The following ANGEL1 variants were observed in gnomAD, a reference collection of about 807,000 sequenced individuals.
ANGEL1 encodes the protein angel homolog 1, also known as RNA 2',3'-cyclic phosphatase ANGEL1.
A neutral mutation model predicts 76.4 loss-of-function variants in ANGEL1; 62 were observed. The ratio of observed to expected loss-of-function variants is 0.81; its 90% CI spans 0.66 to 1.00. The LOEUF (loss-of-function observed/expected upper bound fraction) is 1.00, where lower values mean the gene tolerates loss of function less well. Among genes scored for constraint, ANGEL1 ranks in the 50% least tolerant of loss-of-function variants. The pLI is 0.00. For missense variants in ANGEL1, 737 were observed against 836.7 expected (o/e 0.88, Z 1.47); for synonymous variants, 340 against 331.7 (o/e 1.03, Z -0.27).
In ANGEL1 at chr14:76,803,964, G is replaced by GT. The variant is rs766892038; in HGVS notation, c.1381-53dup. 3.1e-6 allele frequency: 5 copies of GT among 1,613,894 alleles called. No homozygotes were observed. In the African/African-American group the frequency reaches 4.0e-5, roughly 13 times the overall value. On this transcript the variant is annotated intron_variant, in intron 5 of 9. Coordinates refer to ENST00000251089, the MANE Select transcript of ANGEL1 (RefSeq NM_015305.4). ...AAGGAAACCAAGATAGAAAAAGGAA[G>GT]TAACAGCCCATGTTTTGGGACATGT...
intron 7 of ANGEL1, among the ~76,000 whole-genome samples, chr14:76,800,369 T>C (rs920687671): frequency 6.6e-6 from 1 of 152,254 alleles, no homozygotes; most frequent in Non-Finnish European, 1.5e-5. Context: ...GTGGCCATCA[T>C]TGTTATCACT....
intron 7 of ANGEL1, among the ~76,000 whole-genome samples, chr14:76,795,089 TAG>T (rs1189786791): frequency 6.6e-6 from 1 of 152,204 alleles, no homozygotes; most frequent in Non-Finnish European, 1.5e-5. Flanking sequence ...GGAATGCTAT[TAG>T]AGTTTTTTTC....
chr14:76,807,647 C>T, intron 3 of ANGEL1, 145 bp from the exon 4 acceptor site: 2 of 794,390 alleles, frequency 2.5e-6, no homozygotes, highest in South Asian at 1.6e-5. Flanking sequence ...CAGGCCCAGA[C>T]TTAAGCTGAA....
intron 4 of ANGEL1, 35 bp from the exon 5 acceptor site, chr14:76,806,884 A>G (rs1270581152): frequency 6.3e-7 from 1 of 1,592,130 alleles, no homozygotes; most frequent in South Asian, 1.1e-5. Flanking sequence ...GATGGGTCAG[A>G]GTCCTTAAAG....
chr14:76,791,461 TGGATTGCTTCAGAA>T, intron 7 of ANGEL1, 95 bp from the exon 8 acceptor site: 3 of 1,179,660 alleles, frequency 2.5e-6, no homozygotes, highest in Non-Finnish European at 3.7e-6. Flanking sequence ...GATCCTTGAC[TGGATTGCTTCAGAA>T]GGATCCAGAA....
chr14:76,789,733 T>C (rs1317748234), intron 9 of ANGEL1, among the ~76,000 whole-genome samples: 1 of 151,566 alleles, frequency 6.6e-6, no homozygotes, highest in Non-Finnish European at 1.5e-5. Flanking sequence ...CTTACTTCGT[T>C]GTCCAGGCTG....
intron 5 of ANGEL1, chr14:76,804,553 G>T: frequency 1.6e-6 from 1 of 638,644 alleles, no homozygotes; most frequent in Non-Finnish European, 1.9e-6. Context: ...CTAGCTAGGT[G>T]CTGGGGATAG....
chr14:76,789,326 C>CTG lies in ANGEL1; in HGVS notation c.1914_1915insCA (p.Glu639GlnfsTer23). Reference sequence around the variant, plus strand: ...AAGCCATTGGCAGCCCAGAGTATCTCTTCAGAGAGAAGGGAGAGACGACCC... The same window carrying CTG: ...AAGCCATTGGCAGCCCAGAGTATCTCTGTTCAGAGAGAAGGGAGAGACGACCC... On this transcript the variant is annotated frameshift_variant, in exon 10 of 10. Coordinates refer to ENST00000251089, the MANE Select transcript of ANGEL1 (RefSeq NM_015305.4). LOFTEE classifies it high-confidence loss of function. 1 of 1,614,210 alleles carries CTG rather than the reference C, an allele frequency of 6.2e-7. No homozygotes were observed. Among genetic ancestry groups the CTG allele is most frequent in the Non-Finnish European group, 8.5e-7 (1 of 1,180,038 alleles).
chr14:76,792,545 A>T (rs1223636746), intron 7 of ANGEL1, among the ~76,000 whole-genome samples: 1 of 152,200 alleles, frequency 6.6e-6, no homozygotes, highest in South Asian at 2.1e-4. Context: ...ACTATGACCA[A>T]ATAAGATTTA....
chr14:76,800,281 G>A (rs73306179), intron 7 of ANGEL1, among the ~76,000 whole-genome samples: 3,012 of 152,168 alleles, frequency 0.02, 103 homozygotes, highest in African/African-American at 0.069. Flanking sequence ...ACTGAGCTAC[G>A]GCTCCCCTGG....
chr14:76,803,657 G>T, intron 6 of ANGEL1, 129 bp downstream of exon 6: 1 of 1,421,280 alleles, frequency 7.0e-7, no homozygotes, highest in Non-Finnish European at 9.5e-7. Context: ...CCATTGGGAG[G>T]ATAGTGAGAA....
chr14:76,794,438 G>C (rs762132354), intron 7 of ANGEL1, among the ~76,000 whole-genome samples: 23 of 152,200 alleles, frequency 1.5e-4, no homozygotes, highest in Non-Finnish European at 2.8e-4. Context: ...TTGGAAGGCT[G>C]GGGCGGACGC....
chr14:76,807,864 T>C lies in ANGEL1; in HGVS notation c.876+58A>G, dbSNP rs1035427163. Reference sequence around the variant, plus strand: ...GGTTGAACTCATCTTCTAAGAGCACTGGGCAACAGCCCAGGTCCAGCAACA... The same window carrying C: ...GGTTGAACTCATCTTCTAAGAGCACCGGGCAACAGCCCAGGTCCAGCAACA... On this transcript the variant is annotated intron_variant, in intron 3 of 9. Transcript: ENST00000251089. 5.1e-6 allele frequency: 8 copies of C among 1,578,818 alleles called. No homozygotes were observed. The Admixed American group carries it at 8.4e-5, about 17-fold the overall frequency.
Position 76,809,090 on chromosome 14 carries a change from C to A in ANGEL1, c.618G>T (p.Leu206Phe). Reference sequence around the variant, plus strand: ...ATGGTATTTCCACTGCGGGAGGCTGCAACTGCCCCAGGCCCTCAAAGGGCC... The same window carrying A: ...ATGGTATTTCCACTGCGGGAGGCTGAAACTGCCCCAGGCCCTCAAAGGGCC... Reference protein sequence around the residue: ...SIWPFEGLGQLQPPAVEIPYH... With the variant: ...SIWPFEGLGQFQPPAVEIPYH... Residue 206 changes from leucine (L) to phenylalanine (F), a missense_variant, in exon 2 of 10, where the codon TTG (leucine) becomes TTT (phenylalanine). Physicochemically the swap from Leu to Phe is conservative, Grantham distance 22. Transcript: ENST00000251089. 1 of 1,613,630 alleles carries A rather than the reference C, an allele frequency of 6.2e-7. No individual in the cohort carries two copies. Among genetic ancestry groups the A allele is most frequent in the South Asian group, 1.1e-5 (1 of 91,038 alleles).
chr14:76,803,982 G>GT (rs1894841673), intron 5 of ANGEL1, 70 bp from the exon 6 acceptor site: 1 of 1,613,548 alleles, frequency 6.2e-7, no homozygotes, highest in East Asian at 2.2e-5. Flanking sequence ...CCATGTTTTG[G>GT]GACATGTGGA....
intron 7 of ANGEL1, among the ~76,000 whole-genome samples, chr14:76,792,291 G>A (rs1894429394): frequency 1.3e-5 from 2 of 151,944 alleles, no homozygotes; most frequent in Admixed American, 1.3e-4. Flanking sequence ...AAAACACCAG[G>A]CTCAATGGCT....
Position 76,790,604 on chromosome 14 carries a change from G to A in ANGEL1, c.1852+7C>T, listed in dbSNP as rs1566694676. 6.2e-7 allele frequency: 1 copy of A among 1,609,446 alleles called. No homozygotes were observed. The highest frequency in any genetic ancestry group is 8.5e-7 in the Non-Finnish European group (1 of 1,176,766). ...GGGTGGAGGAACCCAGGATCCATCA[G>A]GCTTACCAGTTCTGTTCCCATTCTC... is the stretch of plus-strand genomic sequence containing the variant. On this transcript the variant is annotated splice_region_variant and intron_variant, in intron 9 of 9. Coordinates refer to ENST00000251089, the MANE Select transcript of ANGEL1 (RefSeq NM_015305.4).
At chr14:76,805,363 T>C (rs1894888066) in intron 5 of ANGEL1, among the ~76,000 whole-genome samples, 1 of 152,240 alleles carries the variant, frequency 6.6e-6, no homozygotes, top group South Asian at 2.1e-4. Context: ...CAGTAAATTC[T>C]TTTCCTCGTT....
At chr14:76,796,926 CCA>C (rs59003912) in intron 7 of ANGEL1, among the ~76,000 whole-genome samples, 7 of 150,822 alleles carry the variant, frequency 4.6e-5, no homozygotes, top group Admixed American at 6.6e-5. Flanking sequence ...TTACAATATG[CCA>C]CACACACACA....
Sources: gnomAD v4.1 joint callset for allele counts (sites outside exome capture counted in the v4.1 genomes callset) on GRCh38, gnomAD v4.1.1 for gene constraint, MANE v1.5 for transcripts, NCBI Gene and HGNC (gene_info 2026-07-23, HGNC 2026-07-21) for gene names.